Variants in NTRK2 observed in about 807,000 individuals in gnomAD.
NTRK2 encodes the protein BDNF/NT-3 growth factors receptor.
In NTRK2, 13 loss-of-function variants were observed where a neutral mutation model predicts 94.5. The observed-to-expected ratio is 0.14, with a 90% CI of 0.09 to 0.22. NTRK2 has a LOEUF of 0.22. NTRK2 is among the 10% of genes least tolerant of loss of function. NTRK2 has a pLI of 1.00. For missense variants in NTRK2, 639 were observed against 1,071.2 expected (o/e 0.60, Z 5.63); for synonymous variants, 372 against 407.4 (o/e 0.91, Z 1.05).
intron 14 of NTRK2, chr9:84,871,640 T>A: frequency 1.3e-6 from 1 of 762,716 alleles, no homozygotes; most frequent in Non-Finnish European, 2.4e-6. Flanking sequence ...ATCAATTATA[T>A]CCCTTGAAGT....
intron 17 of NTRK2, among the ~76,000 whole-genome samples, chr9:84,975,814 AT>A (rs1826785328): frequency 6.8e-6 from 1 of 147,304 alleles, no homozygotes; most frequent in Non-Finnish European, 1.5e-5. Context: ...ACAATACAAT[AT>A]GTATTGTAAG....
intron 5 of NTRK2, among the ~76,000 whole-genome samples, chr9:84,708,511 A>T (rs1473444086): frequency 6.6e-6 from 1 of 152,242 alleles, no homozygotes; most frequent in East Asian, 1.9e-4. Context: ...TTGATGACTA[A>T]CAGCCAGGAT....
intron 5 of NTRK2, among the ~76,000 whole-genome samples, chr9:84,708,802 G>A (rs759312172): frequency 2.6e-5 from 4 of 152,216 alleles, no homozygotes; most frequent in Non-Finnish European, 5.9e-5. Flanking sequence ...GGTGTAATGG[G>A]TGTTATATGG....
chr9:84,771,999 G>A (rs1034174010), intron 12 of NTRK2, among the ~76,000 whole-genome samples: 14 of 152,116 alleles, frequency 9.2e-5, no homozygotes, highest in Admixed American at 5.9e-4. Flanking sequence ...CAGGGGCTGA[G>A]GTTTTACTCC....
In NTRK2 at chr9:84,702,205, G is replaced by A. The variant is rs2131692456; in HGVS notation, c.259G>A (p.Val87Ile). 1 of 1,614,232 alleles carries A rather than the reference G, an allele frequency of 6.2e-7. No individual in the cohort carries two copies. The highest frequency in any genetic ancestry group is 8.5e-7 in the Non-Finnish European group (1 of 1,180,032). The change falls in exon 3 of 19, where the codon GTT becomes ATT. Residue 87 changes from valine to isoleucine, a missense_variant. By Grantham distance (29) the Val-to-Ile change is conservative. Coordinates refer to ENST00000277120, the MANE Select transcript of NTRK2 (RefSeq NM_006180.6). ...GTTAGAAATCATCAACGAAGATGAT[G>A]TTGAAGCTTATGTGGGACTGAGAAA... The part of the protein sequence containing the change: ...KRLEIINEDD[V>I]EAYVGLRNLT...
chr9:84,827,123 A>T (rs1374647675), intron 12 of NTRK2, among the ~76,000 whole-genome samples: 5 of 152,236 alleles, frequency 3.3e-5, no homozygotes, highest in African/African-American at 1.2e-4. Flanking sequence ...AATGGTCCAC[A>T]TAGGTGGTCA....
At chr9:84,778,930 T>G (rs1400398056) in intron 12 of NTRK2, among the ~76,000 whole-genome samples, 1 of 152,198 alleles carries the variant, frequency 6.6e-6, no homozygotes, top group Non-Finnish European at 1.5e-5. Context: ...CTTGCTGCAC[T>G]TAGCCCACCC....
At chr9:84,872,876 C>T in intron 14 of NTRK2, 1 of 1,065,300 alleles carries the variant, frequency 9.4e-7, no homozygotes, top group Non-Finnish European at 1.1e-6. Context: ...TCACACAAGG[C>T]ACCCATTCTG....
intron 12 of NTRK2, among the ~76,000 whole-genome samples, chr9:84,788,921 G>A (rs905065600): frequency 6.6e-6 from 1 of 152,190 alleles, no homozygotes; most frequent in African/African-American, 2.4e-5. Flanking sequence ...TAGCCTAGAG[G>A]TAAGTAGCGC....
intron 17 of NTRK2, among the ~76,000 whole-genome samples, chr9:84,957,416 T>C (rs1245284195): frequency 6.6e-6 from 1 of 152,172 alleles, no homozygotes. Context: ...AATAAAAAGA[T>C]AAATCACTCA....
At chr9:84,686,303 G>A (rs748759516) in intron 2 of NTRK2, among the ~76,000 whole-genome samples, 23 of 152,224 alleles carry the variant, frequency 1.5e-4, no homozygotes, top group Non-Finnish European at 2.8e-4. Flanking sequence ...AGCAAAGAGA[G>A]GGGAGGATGA....
At chr9:84,816,351 C>A (rs1287959968) in intron 12 of NTRK2, among the ~76,000 whole-genome samples, 1 of 152,024 alleles carries the variant, frequency 6.6e-6, no homozygotes, top group South Asian at 2.1e-4. Flanking sequence ...ACCTCAGGCT[C>A]CAATTCATTT....
At chr9:84,803,111 G>A (rs2070697674) in intron 12 of NTRK2, among the ~76,000 whole-genome samples, 1 of 152,194 alleles carries the variant, frequency 6.6e-6, no homozygotes, top group Admixed American at 6.5e-5. Context: ...GATACCAACA[G>A]AGTGCCAAAT....
At position 84,930,720 on chromosome 9, in the gene NTRK2, G is replaced by T. The variant is rs149073769; in HGVS notation, c.1634-3442G>T. ...CCAGGGGAGCTGAAGGGGCATAAGC[G>T]ATCCACATTGGGAGGATAGTGTCTG... is the stretch of plus-strand genomic sequence containing the variant. On this transcript the variant is annotated intron_variant, in intron 14 of 18. Transcript: ENST00000277120. Among the ~76,000 whole-genome samples, 1,349 of 152,256 alleles carry T rather than the reference G, an allele frequency of 8.9e-3. 14 individuals carry two copies. The highest frequency in any genetic ancestry group is 0.018 in the Admixed American group (270 of 15,304).
chr9:84,922,600 C>G (rs563597471), intron 14 of NTRK2, among the ~76,000 whole-genome samples: 1 of 152,174 alleles, frequency 6.6e-6, no homozygotes. Flanking sequence ...CCTTCCTTAA[C>G]GTCTTCAAGA....
intron 12 of NTRK2, among the ~76,000 whole-genome samples, chr9:84,838,239 A>G (rs12555204): frequency 0.029 from 4,465 of 152,280 alleles, 121 homozygotes; most frequent in East Asian, 0.11. Context: ...TCCAGAAGAA[A>G]ATAGCGACAG....
intron 6 of NTRK2, among the ~76,000 whole-genome samples, chr9:84,712,664 AGT>A (rs1164964412): frequency 6.6e-6 from 1 of 151,908 alleles, no homozygotes; most frequent in African/African-American, 2.4e-5. Flanking sequence ...TTCTCTTTCA[AGT>A]GTTTTACTTT....
At chr9:84,872,177 G>A (rs551915089) in intron 14 of NTRK2, 30 of 1,163,746 alleles carry the variant, frequency 2.6e-5, no homozygotes, top group East Asian at 1.8e-4. Context: ...CTGACAGCAC[G>A]GGGTGGTTTC....
At chr9:84,735,337 T>A (rs1179597191) in intron 9 of NTRK2, among the ~76,000 whole-genome samples, 1 of 152,198 alleles carries the variant, frequency 6.6e-6, no homozygotes, top group Admixed American at 6.5e-5. Context: ...CCTGTTAAAA[T>A]GAAGATTATG....
Sources: gnomAD v4.1 joint callset for allele counts (sites outside exome capture counted in the v4.1 genomes callset) on GRCh38, gnomAD v4.1.1 for gene constraint, MANE v1.5 for transcripts, NCBI Gene and HGNC (gene_info 2026-07-23, HGNC 2026-07-21) for gene names.